The following RALGPS1 variants were observed in gnomAD, a reference collection of about 807,000 sequenced individuals.
RALGPS1 encodes Ral GEF with PH domain and SH3 binding motif 1.
Under a neutral mutation model 78.8 loss-of-function variants are expected in RALGPS1, and 19 were observed. That is an observed-to-expected ratio of 0.24 (90% CI 0.17 to 0.35). The LOEUF (loss-of-function observed/expected upper bound fraction) is 0.35, where lower values mean the gene tolerates loss of function less well. Among genes scored for constraint, RALGPS1 ranks in the 10% least tolerant of loss-of-function variants. The pLI is 1.00. For synonymous variants in RALGPS1, 228 were observed against 256.3 expected (o/e 0.89, Z 1.06); for missense variants, 454 against 688.3 (o/e 0.66, Z 3.81).
intron 1 of RALGPS1, among the ~76,000 whole-genome samples, chr9:126,948,633 CT>C (rs1486910110): frequency 6.6e-6 from 1 of 152,156 alleles, no homozygotes; most frequent in African/African-American, 2.4e-5. Context: ...GTTTTCTCCC[CT>C]TCTGCCTCCT....
chr9:127,181,244 A>G (rs1035095286), intron 11 of RALGPS1, among the ~76,000 whole-genome samples: 8 of 152,378 alleles, frequency 5.3e-5, no homozygotes, highest in Middle Eastern at 3.4e-3. Flanking sequence ...CAGAGGCTCC[A>G]AGAGTTACGT....
intron 14 of RALGPS1, among the ~76,000 whole-genome samples, chr9:127,206,407 G>A (rs959412422): frequency 1.3e-5 from 2 of 152,208 alleles, no homozygotes; most frequent in Admixed American, 1.3e-4. Flanking sequence ...GGTGGAAGGC[G>A]AAGCAAACAT....
chr9:126,990,320 A>T (rs911736082), intron 4 of RALGPS1: 1 of 260,020 alleles, frequency 3.8e-6, no homozygotes, highest in Non-Finnish European at 7.3e-6. Context: ...CAGCCTTTTC[A>T]TGTCTCCTCA....
chr9:127,133,111 T>C (rs1468538922), intron 8 of RALGPS1, among the ~76,000 whole-genome samples: 1 of 152,178 alleles, frequency 6.6e-6, no homozygotes, highest in Non-Finnish European at 1.5e-5. Context: ...GGCTGGCACA[T>C]GGTAAGCGTT....
chr9:127,078,418 A>T (rs1316876900), intron 8 of RALGPS1, among the ~76,000 whole-genome samples: 1 of 152,198 alleles, frequency 6.6e-6, no homozygotes, highest in Non-Finnish European at 1.5e-5. Context: ...TTGACTCATG[A>T]CTTACCCAAC....
chr9:126,928,692 C>T (rs1311930062), intron 1 of RALGPS1, among the ~76,000 whole-genome samples: 1 of 152,054 alleles, frequency 6.6e-6, no homozygotes, highest in Non-Finnish European at 1.5e-5. Flanking sequence ...ACCTCCACCT[C>T]CCAGCTCCAA....
At chr9:127,154,501 G>T (rs2058604976) in intron 8 of RALGPS1, among the ~76,000 whole-genome samples, 1 of 152,178 alleles carries the variant, frequency 6.6e-6, no homozygotes, top group Non-Finnish European at 1.5e-5. Context: ...GAGGGCCCAA[G>T]GAACCTCTCA....
intron 14 of RALGPS1, 134 bp downstream of exon 14, chr9:127,199,200 C>A: frequency 1.2e-6 from 1 of 847,094 alleles, no homozygotes; most frequent in South Asian, 1.4e-5. Context: ...CTTCAGCAGA[C>A]TGGCTGGGGC....
At chr9:127,147,471 T>G (rs7044613) in intron 8 of RALGPS1, among the ~76,000 whole-genome samples, 13,157 of 152,176 alleles carry the variant, frequency 0.086, 1,884 homozygotes, top group African/African-American at 0.3. Flanking sequence ...TCAAGAAGAG[T>G]ATTTCCTAGA....
intron 1 of RALGPS1, among the ~76,000 whole-genome samples, chr9:126,935,176 T>C (rs183608418): frequency 1.3e-5 from 2 of 152,338 alleles, no homozygotes; most frequent in African/African-American, 2.4e-5. Flanking sequence ...CTGCATTGCA[T>C]TGTGCTGCTT....
chr9:127,034,595 C>A (rs1208347990), intron 5 of RALGPS1, 81 bp downstream of exon 5: 7 of 1,276,266 alleles, frequency 5.5e-6, no homozygotes, highest in Non-Finnish European at 8.0e-6. Flanking sequence ...CCACCCAAAG[C>A]TGTCTCCCAG....
intron 8 of RALGPS1, among the ~76,000 whole-genome samples, chr9:127,141,641 G>T (rs200811731): frequency 4.3e-4 from 41 of 95,850 alleles, no homozygotes; most frequent in African/African-American, 1.3e-3. Context: ...AAAAAAAAAA[G>T]AAAGAAAGAA....
At chr9:127,048,189 C>T (rs974760123) in intron 5 of RALGPS1, among the ~76,000 whole-genome samples, 4 of 152,068 alleles carry the variant, frequency 2.6e-5, no homozygotes, top group Admixed American at 2.6e-4. Flanking sequence ...CTTTTTCTCC[C>T]TCCCCACCCT....
At chr9:127,085,573 C>T (rs1001841398) in intron 8 of RALGPS1, among the ~76,000 whole-genome samples, 10 of 152,112 alleles carry the variant, frequency 6.6e-5, no homozygotes, top group South Asian at 2.1e-4. Context: ...TTTTTCCTTC[C>T]TCTCCTTCTA....
In RALGPS1 at chr9:127,148,414, G is replaced by A. The variant is rs539380221; in HGVS notation, c.611-17655G>A. The stretch of plus-strand genomic sequence containing the variant: ...TAGGGAGCGTCTGTTTTTTCTCACT[G>A]TTGTATCCTGTGAGCCTAGCACAGA... On this transcript the variant is annotated intron_variant, in intron 8 of 18. Transcript: ENST00000259351. 1.2e-4 allele frequency among the ~76,000 whole-genome samples: 18 copies of A among 152,378 alleles called. 1 individual carries two copies. The highest frequency in any genetic ancestry group is 4.1e-4 in the African/African-American group (17 of 41,594).
At chr9:127,199,376 A>G (rs1326170994) in intron 14 of RALGPS1, among the ~76,000 whole-genome samples, 1 of 152,204 alleles carries the variant, frequency 6.6e-6, no homozygotes, top group African/African-American at 2.4e-5. Context: ...CTTGAAACCA[A>G]AAGCCTAAGA....
chr9:127,147,611 C>T (rs910414974), intron 8 of RALGPS1, among the ~76,000 whole-genome samples: 2 of 152,144 alleles, frequency 1.3e-5, no homozygotes, highest in Admixed American at 1.3e-4. Flanking sequence ...GCCAGTTATC[C>T]CAGCAGCATT....
intron 3 of RALGPS1, among the ~76,000 whole-genome samples, chr9:126,966,759 T>C (rs2039541979): frequency 6.6e-6 from 1 of 152,128 alleles, no homozygotes; most frequent in African/African-American, 2.4e-5. Flanking sequence ...TAAACAATAT[T>C]ATTTGGGCAA....
At chr9:127,009,149 T>C (rs1190299738) in intron 4 of RALGPS1, among the ~76,000 whole-genome samples, 2 of 152,222 alleles carry the variant, frequency 1.3e-5, no homozygotes, top group South Asian at 2.1e-4. Context: ...ATAGACTTCA[T>C]TGAAAGGAAA....
Sources: gnomAD v4.1 joint callset for allele counts (sites outside exome capture counted in the v4.1 genomes callset) on GRCh38, gnomAD v4.1.1 for gene constraint, MANE v1.5 for transcripts, NCBI Gene and HGNC (gene_info 2026-07-23, HGNC 2026-07-21) for gene names.